The following CAP2 variants were observed in gnomAD, a reference collection of about 807,000 sequenced individuals.
CAP2 encodes the protein cyclase associated actin cytoskeleton regulatory protein 2, also known as adenylyl cyclase-associated protein 2.
Under a neutral mutation model 57.7 loss-of-function variants are expected in CAP2, and 24 were observed. That is an observed-to-expected ratio of 0.42 (90% confidence interval 0.30 to 0.58). The LOEUF (loss-of-function observed/expected upper bound fraction) is 0.58. CAP2 is among the 20% of genes least tolerant of loss of function. The pLI is 0.22. For synonymous variants in CAP2, 194 were observed against 207.2 expected (o/e 0.94, Z 0.55); for missense variants, 501 against 590.3 (o/e 0.85, Z 1.57).
chr6:17,414,060 A>G (rs1193161556), intron 1 of CAP2, among the ~76,000 whole-genome samples: 2 of 152,212 alleles, frequency 1.3e-5, no homozygotes, highest in African/African-American at 4.8e-5. Flanking sequence ...TCTCAAAAAA[A>G]AAAAAAAAGA....
intron 4 of CAP2, among the ~76,000 whole-genome samples, chr6:17,471,942 A>G (rs1761031262): frequency 6.6e-6 from 1 of 152,210 alleles, no homozygotes; most frequent in African/African-American, 2.4e-5. Flanking sequence ...AGGAAGGAGT[A>G]GCACCTTAGA....
chr6:17,405,600 A>G (rs1402102580), intron 1 of CAP2, among the ~76,000 whole-genome samples: 1 of 152,138 alleles, frequency 6.6e-6, no homozygotes, highest in Non-Finnish European at 1.5e-5. Flanking sequence ...GAAACTACAG[A>G]AAGTGAAACT....
rs1759087943 is a variant in CAP2 at position 17,409,682 on chromosome 6, T to A, written c.-1-11873T>A. On this transcript the variant is annotated intron_variant, in intron 1 of 12. Coordinates refer to ENST00000229922, the MANE Select transcript of CAP2 (RefSeq NM_006366.3). ...TGAGCTTTAGGTCCCTACTCGTAAC[T>A]GCCAACTGTAGGCACTTCAAATGCA... Among the ~76,000 whole-genome samples, 11 of 152,142 alleles carry A rather than the reference T, an allele frequency of 7.2e-5. No individual in the cohort carries two copies. The South Asian group carries it at 2.3e-3, about 32-fold the overall frequency.
intron 1 of CAP2, among the ~76,000 whole-genome samples, chr6:17,402,650 G>A (rs1758847000): frequency 6.6e-6 from 1 of 152,216 alleles, no homozygotes; most frequent in Non-Finnish European, 1.5e-5. Flanking sequence ...TCATTTATAA[G>A]AATGCTGGAA....
intron 1 of CAP2, among the ~76,000 whole-genome samples, chr6:17,409,381 G>A (rs1452217892): frequency 6.6e-6 from 1 of 150,944 alleles, no homozygotes; most frequent in Non-Finnish European, 1.5e-5. Flanking sequence ...CAAAAAAAAA[G>A]GAAGTGTGGT....
At chr6:17,486,914 C>T (rs1761433746) in intron 4 of CAP2, among the ~76,000 whole-genome samples, 1 of 152,188 alleles carries the variant, frequency 6.6e-6, no homozygotes, top group African/African-American at 2.4e-5. Flanking sequence ...CCAGGCCCAG[C>T]CACTGCAGAG....
intron 1 of CAP2, among the ~76,000 whole-genome samples, chr6:17,404,004 A>G (rs1270867752): frequency 1.3e-5 from 2 of 152,258 alleles, no homozygotes; most frequent in Admixed American, 6.5e-5. Context: ...AAGTAAAAAA[A>G]TTGAAGACTC....
chr6:17,514,019 C>T, intron 7 of CAP2, 65 bp downstream of exon 7: 1 of 974,648 alleles, frequency 1.0e-6, no homozygotes, highest in Non-Finnish European at 1.7e-6. Flanking sequence ...ACCCTGTGGC[C>T]CAGTAATCTC....
chr6:17,494,927 G>C (rs1761628168), intron 4 of CAP2, among the ~76,000 whole-genome samples: 1 of 152,132 alleles, frequency 6.6e-6, no homozygotes, highest in South Asian at 2.1e-4. Context: ...CTGGGAAATT[G>C]GGTTTTTTGT....
chr6:17,510,192 C>T (rs965311147), intron 6 of CAP2, among the ~76,000 whole-genome samples: 2 of 151,414 alleles, frequency 1.3e-5, no homozygotes, highest in Non-Finnish European at 1.5e-5. Context: ...TGTAGGGTTT[C>T]TTTTGGGGGG....
intron 4 of CAP2, among the ~76,000 whole-genome samples, chr6:17,464,168 G>A (rs374949773): frequency 7.2e-5 from 11 of 151,976 alleles, no homozygotes; most frequent in Non-Finnish European, 1.5e-4. Context: ...ATTGTGTCAC[G>A]AATGAAATTA....
chr6:17,487,630 C>T (rs61067176), intron 4 of CAP2, among the ~76,000 whole-genome samples: 5,609 of 152,196 alleles, frequency 0.037, 346 homozygotes, highest in African/African-American at 0.13. Flanking sequence ...CCACCACGCC[C>T]GGCTAATTTT....
chr6:17,403,153 G>C (rs1239528588), intron 1 of CAP2, among the ~76,000 whole-genome samples: 1 of 152,124 alleles, frequency 6.6e-6, no homozygotes, highest in Non-Finnish European at 1.5e-5. Flanking sequence ...CCAGGCTGGA[G>C]TGCAGTGGCA....
At chr6:17,450,146 G>C (rs938155312) in intron 3 of CAP2, among the ~76,000 whole-genome samples, 1 of 151,818 alleles carries the variant, frequency 6.6e-6, no homozygotes, top group Non-Finnish European at 1.5e-5. Flanking sequence ...CCGCCTCCCA[G>C]GTTCACGCCA....
In CAP2 at chr6:17,539,560, C is replaced by T. The variant is rs886705192; in HGVS notation, c.826+102C>T. ...CAGTGATGGATACATCACTCCATCC[C>T]TGCCTCCAGCATGCAGGGAGAGGGG... On this transcript the variant is annotated intron_variant, in intron 8 of 12. Transcript: ENST00000229922. 5 of 835,612 alleles carry T rather than the reference C, an allele frequency of 6.0e-6. No homozygotes were observed. The Admixed American group carries it at 1.1e-4, about 18-fold the overall frequency. The allele number at this position is 835,612 out of a possible 1,614,324, so 51.8% of individuals were successfully genotyped here.
intron 7 of CAP2, among the ~76,000 whole-genome samples, chr6:17,526,063 C>T (rs929075595): frequency 3.6e-4 from 54 of 151,414 alleles, no homozygotes; most frequent in African/African-American, 1.2e-3. Context: ...ATTTCCAAAG[C>T]GTTAGTCCAT....
At chr6:17,486,650 G>A (rs943956155) in intron 4 of CAP2, among the ~76,000 whole-genome samples, 3 of 152,106 alleles carry the variant, frequency 2.0e-5, no homozygotes, top group African/African-American at 4.8e-5. Flanking sequence ...TTGAAGCATG[G>A]CCAGGATATC....
chr6:17,502,371 T>C (rs1761848039), intron 4 of CAP2, among the ~76,000 whole-genome samples: 1 of 152,220 alleles, frequency 6.6e-6, no homozygotes, highest in South Asian at 2.1e-4. Flanking sequence ...CTATTTTTGA[T>C]TCCTGCCTTG....
intron 4 of CAP2, among the ~76,000 whole-genome samples, chr6:17,498,392 G>A (rs779544401): frequency 4.6e-5 from 7 of 152,148 alleles, no homozygotes; most frequent in African/African-American, 9.7e-5. Flanking sequence ...TTCAGAGAAG[G>A]CATTTTACCC....
Sources: gnomAD v4.1 joint callset for allele counts (sites outside exome capture counted in the v4.1 genomes callset) on GRCh38, gnomAD v4.1.1 for gene constraint, MANE v1.5 for transcripts, NCBI Gene and HGNC (gene_info 2026-07-23, HGNC 2026-07-21) for gene names.